The following AKR1B15 variants were observed in gnomAD, a reference collection of about 807,000 sequenced individuals.
AKR1B15 encodes the protein estradiol 17-beta-dehydrogenase AKR1B15.
Under a neutral mutation model 38.5 loss-of-function variants are expected in AKR1B15, and 49 were observed. The ratio of observed to expected loss-of-function variants is 1.27; its 90% CI spans 1.01 to 1.62. The LOEUF (loss-of-function observed/expected upper bound fraction) is 1.62. Among genes scored for constraint, AKR1B15 ranks in the 40% most tolerant of loss-of-function variants. The probability of loss-of-function intolerance (pLI) is 0.00; values close to 1 mark genes in which losing one functional copy is unlikely to be tolerated. For missense variants in AKR1B15, 411 were observed against 381.6 expected, an observed-to-expected ratio of 1.08 and a Z score of -0.64; for synonymous variants, 137 against 135.5, an observed-to-expected ratio of 1.01 and a Z score of -0.08.
chr7:134,550,369 T>C (rs1375136837), intron 1 of AKR1B15, among the ~76,000 whole-genome samples: 2 of 152,302 alleles, frequency 1.3e-5, no homozygotes, highest in Middle Eastern at 3.4e-3. Flanking sequence ...CTTGGCTGTG[T>C]TCTCCCTCCT....
At chr7:134,560,500 G>T (rs13311247) in intron 2 of AKR1B15, among the ~76,000 whole-genome samples, 164 of 150,574 alleles carry the variant, frequency 1.1e-3, no homozygotes, top group Non-Finnish European at 1.8e-3. Context: ...AACCAGTTGG[G>T]TTGTTACACG....
At chr7:134,571,171 A>T (rs1271274938) in intron 5 of AKR1B15, among the ~76,000 whole-genome samples, 1 of 152,174 alleles carries the variant, frequency 6.6e-6, no homozygotes, top group African/African-American at 2.4e-5. Flanking sequence ...TGGAGTGATG[A>T]TGGCCTGCCA....
chr7:134,577,245 G>A lies in AKR1B15; in HGVS notation c.909+199G>A, dbSNP rs563094013. On this transcript the variant is annotated intron_variant, in intron 10 of 11. Coordinates refer to ENST00000457545, the MANE Select transcript of AKR1B15 (RefSeq NM_001080538.3). ...ATGGGCTAAGAACATCCTGGGGGCA[G>A]TGCCTGGTAAAGCCCTATCAGGTCT... is the stretch of plus-strand genomic sequence containing the variant. Among the ~76,000 whole-genome samples the A allele has an allele frequency of 5.9e-5, 9 of 152,326 alleles. No individual in the cohort carries two copies. The East Asian group carries it at 1.7e-3, about 29-fold the overall frequency.
chr7:134,569,603 C>G lies in AKR1B15; in HGVS notation c.435+74C>G, dbSNP rs1433511179. ...AATTCAGGGACCCCCAACAGAGAGA[C>G]TGGCTGAAGCCATGGCAGAAGAACA... On this transcript the variant is annotated intron_variant, in intron 5 of 11. Transcript: ENST00000457545. 12 of 1,461,422 alleles carry G rather than the reference C, an allele frequency of 8.2e-6. No homozygotes were observed. In the South Asian group the frequency reaches 1.4e-4, roughly 18 times the overall value. The allele number at this position is 1,461,422 out of a possible 1,614,324, so 90.5% of individuals were successfully genotyped here.
At position 134,559,439 on chromosome 7, in the gene AKR1B15, C is replaced by A. The variant is rs566986489; in HGVS notation, c.-23+2580C>A. On this transcript the variant is annotated intron_variant, in intron 2 of 11. Coordinates refer to ENST00000457545, the MANE Select transcript of AKR1B15 (RefSeq NM_001080538.3). ...CCAACTAGTCCCTGGTCCCACCCCACCAAATTGTAAGCCATGACACTGTAA... is the reference window on the plus strand; with the variant it reads ...CCAACTAGTCCCTGGTCCCACCCCAACAAATTGTAAGCCATGACACTGTAA... Among the ~76,000 whole-genome samples, 3 of 152,244 alleles carry A rather than the reference C, an allele frequency of 2.0e-5. No homozygotes were observed. In the East Asian group the frequency reaches 5.8e-4, roughly 29 times the overall value.
At chr7:134,550,662 T>C (rs1793935976) in intron 1 of AKR1B15, among the ~76,000 whole-genome samples, 1 of 152,226 alleles carries the variant, frequency 6.6e-6, no homozygotes, top group Non-Finnish European at 1.5e-5. Flanking sequence ...TCTTTGTCCA[T>C]GCTGGGTTTA....
Position 134,576,398 on chromosome 7 carries a change from A to T in AKR1B15, c.793A>T (p.Ile265Phe), listed in dbSNP as rs1258098741. The T allele has an allele frequency of 1.2e-6, 2 of 1,614,102 alleles. No homozygotes were observed. The highest frequency in any genetic ancestry group is 1.7e-6 in the Non-Finnish European group (2 of 1,179,976). Reference sequence around the variant, plus strand: ...GCTGGAGGATCCCAAGATTAAGGAGATTGCTGCAAAGCACAAAAAAACCAC... The same window carrying T: ...GCTGGAGGATCCCAAGATTAAGGAGTTTGCTGCAAAGCACAAAAAAACCAC... ...SLLEDPKIKE[I>F]AAKHKKTTAQ... is the part of the protein sequence containing the mutation. Residue 265 changes from isoleucine (I) to phenylalanine (F), a missense_variant, in exon 9 of 12, where the codon ATT (isoleucine) becomes TTT (phenylalanine). By Grantham distance (21) the Ile-to-Phe change is conservative. This residue lies in a region of AKR1B15 where 133 missense variants were observed against 120.3 expected (regional missense o/e 1.11). Transcript: ENST00000457545.
chr7:134,577,138 G>A, intron 10 of AKR1B15, 92 bp downstream of exon 10: 1 of 1,316,688 alleles, frequency 7.6e-7, no homozygotes, highest in Non-Finnish European at 1.1e-6. Context: ...TCCCTGCACT[G>A]TCTTTGGCCC....
chr7:134,578,633 G>A (rs547574204), intron 11 of AKR1B15, among the ~76,000 whole-genome samples: 47 of 152,302 alleles, frequency 3.1e-4, no homozygotes, highest in Admixed American at 1.4e-3. Flanking sequence ...TTATTACTGC[G>A]AGGTCTGCAA....
intron 11 of AKR1B15, 76 bp downstream of exon 11, chr7:134,577,862 GA>G (rs1794799403): frequency 6.6e-7 from 1 of 1,524,702 alleles, no homozygotes; most frequent in African/African-American, 1.4e-5. Flanking sequence ...GGAAGGATTA[GA>G]AGGTTGTTGG....
intron 3 of AKR1B15, among the ~76,000 whole-genome samples, chr7:134,566,908 C>A (rs375957778): frequency 2.0e-5 from 3 of 152,186 alleles, no homozygotes; most frequent in Admixed American, 2.0e-4. Flanking sequence ...ATAAATGGAA[C>A]AAATAATCAC....
At chr7:134,577,139 TC>T in intron 10 of AKR1B15, 93 bp downstream of exon 10, 1 of 1,311,756 alleles carries the variant, frequency 7.6e-7, no homozygotes, top group Admixed American at 1.8e-5. Flanking sequence ...CCCTGCACTG[TC>T]TTTGGCCCCC....
intron 2 of AKR1B15, among the ~76,000 whole-genome samples, chr7:134,562,624 T>C (rs1327936911): frequency 6.6e-6 from 1 of 152,178 alleles, no homozygotes; most frequent in East Asian, 1.9e-4. Context: ...AGAGTGCTGA[T>C]TGGTGCATCT....
intron 1 of AKR1B15, among the ~76,000 whole-genome samples, chr7:134,555,657 C>G (rs992633173): frequency 1.3e-5 from 2 of 151,944 alleles, no homozygotes; most frequent in Admixed American, 1.3e-4. Flanking sequence ...CTTTTGTAGT[C>G]GGTTTATGTG....
At chr7:134,570,731 T>C (rs1794650616) in intron 5 of AKR1B15, among the ~76,000 whole-genome samples, 1 of 152,058 alleles carries the variant, frequency 6.6e-6, no homozygotes, top group South Asian at 2.1e-4. Context: ...CACTTCATAA[T>C]TGGGAATGGC....
chr7:134,573,402 T>G (rs532633578), intron 6 of AKR1B15: 3 of 985,304 alleles, frequency 3.0e-6, no homozygotes, highest in Non-Finnish European at 3.6e-6. Context: ...AGTATGTCAA[T>G]GTACCCTGCT....
chr7:134,564,941 G>A (rs2117646825), intron 3 of AKR1B15, 172 bp downstream of exon 3: 1 of 454,118 alleles, frequency 2.2e-6, no homozygotes, highest in East Asian at 3.6e-5. Context: ...TCTGTGTCTA[G>A]CTAAAGGATT....
intron 2 of AKR1B15, among the ~76,000 whole-genome samples, chr7:134,560,465 C>T (rs763251174): frequency 2.0e-4 from 30 of 152,270 alleles, no homozygotes; most frequent in Non-Finnish European, 2.9e-4. Flanking sequence ...CACAAAATCA[C>T]GAGCAAATAA....
chr7:134,562,732 G>A (rs950809338), intron 2 of AKR1B15, among the ~76,000 whole-genome samples: 1 of 152,036 alleles, frequency 6.6e-6, no homozygotes, highest in Non-Finnish European at 1.5e-5. Flanking sequence ...CCTAATTTCT[G>A]TATTTTTAGT....
Sources: gnomAD v4.1 joint callset for allele counts (sites outside exome capture counted in the v4.1 genomes callset) on GRCh38, gnomAD v4.1.1 for gene constraint, gnomAD v4.1.1 regional missense constraint, MANE v1.5 for transcripts, NCBI Gene and HGNC (gene_info 2026-07-23, HGNC 2026-07-21) for gene names.